Variants in CILP2 observed in about 807,000 individuals in gnomAD.
The protein encoded by CILP2 is CILP-2.
In CILP2, 38 loss-of-function variants were observed where a neutral mutation model predicts 45.6. That is an observed-to-expected ratio of 0.83 (90% CI 0.64 to 1.09). The LOEUF (loss-of-function observed/expected upper bound fraction) is 1.09. Ranked by LOEUF, CILP2 falls within the 50% of genes least tolerant of loss-of-function variation. CILP2 has a pLI of 0.00. For missense variants in CILP2, 1,735 were observed against 1,662.2 expected (o/e 1.04, Z -0.76); for synonymous variants, 780 against 723.5 (o/e 1.08, Z -1.25).
At position 19,544,642 on chromosome 19, in the gene CILP2, C is replaced by T; in HGVS notation, c.2097C>T (p.Arg699=). ...GLWEEESGFR[R]EGSSGPRVRR... is the part of the protein sequence containing the mutation. ...GGGAGGAGGAGAGCGGCTTCCGGCG[C>T]GAGGGGTCCTCGGGCCCCCGGGTGC... Residue 699 remains arginine, a synonymous_variant, in exon 8 of 8, where the codon CGC becomes CGT. Coordinates refer to ENST00000291495, the MANE Select transcript of CILP2 (RefSeq NM_153221.2). 1 of 1,550,692 alleles carries T rather than the reference C, an allele frequency of 6.4e-7. No individual in the cohort carries two copies. Among genetic ancestry groups the T allele is most frequent in the South Asian group, 1.2e-5 (1 of 83,268 alleles).
At chr19:19,539,812 G>A in intron 2 of CILP2, 35 bp downstream of exon 2, 1 of 1,521,372 alleles carries the variant, frequency 6.6e-7, no homozygotes, top group African/African-American at 1.4e-5. Context: ...CGTCTCTGCT[G>A]CGGGCTTGTT....
At position 19,545,238 on chromosome 19, in the gene CILP2, G is replaced by T. The variant is rs373437234; in HGVS notation, c.2693G>T (p.Arg898Leu). 2.9e-5 allele frequency: 46 copies of T among 1,612,218 alleles called. No homozygotes were observed. Among genetic ancestry groups the T allele is most frequent in the Non-Finnish European group, 3.6e-5 (42 of 1,179,500 alleles). The change falls in exon 8 of 8, where the codon CGC becomes CTC. Residue 898 changes from arginine to leucine, a missense_variant. Coordinates refer to ENST00000291495, the MANE Select transcript of CILP2 (RefSeq NM_153221.2). ...GCCCCGGTGACTGCCAGCCACTTCC[G>T]CTTCGCCAGGGTGGAGGCGGACAAG... ...QGAPVTASHF[R>L]FARVEADKYE...
chr19:19,544,914 G>A lies in CILP2; in HGVS notation c.2369G>A (p.Gly790Asp). Residue 790 changes from glycine (G) to aspartate (D), a missense_variant, in exon 8 of 8, where the codon GGC becomes GAC. Coordinates refer to ENST00000291495, the MANE Select transcript of CILP2 (RefSeq NM_153221.2). The part of the protein sequence containing the change: ...RFDSAVTGPN[G>D]ACLPAFCDAD... ...GACAGCGCGGTCACCGGCCCCAATG[G>A]CGCCTGCCTCCCCGCCTTCTGCGAC... 1 of 1,589,988 alleles carries A rather than the reference G, an allele frequency of 6.3e-7. No homozygotes were observed. Among genetic ancestry groups the A allele is most frequent in the South Asian group, 1.1e-5 (1 of 90,062 alleles).
rs769445190 is a variant in CILP2, at chr19:19,545,117, G to A, written c.2572G>A (p.Gly858Ser). The change falls in exon 8 of 8, where the codon GGC (glycine) becomes AGC (serine). Residue 858 changes from glycine to serine, a missense_variant. Coordinates refer to ENST00000291495, the MANE Select transcript of CILP2 (RefSeq NM_153221.2). ...DHDDPAFKRN[G>S]FRINLAKPRP... The stretch of plus-strand genomic sequence containing the variant: ...CGACGATCCCGCCTTCAAGCGTAAC[G>A]GCTTCCGCATCAACCTCGCCAAGCC... 1.2e-6 allele frequency: 2 copies of A among 1,612,070 alleles called. No homozygotes were observed. The highest frequency in any genetic ancestry group is 4.5e-5 in the East Asian group (2 of 44,858).
rs2061241434 is a variant in CILP2, at chr19:19,540,997, G to A, written c.437-94G>A. ...CGCCCTTGGATGCACATATGTGAGG[G>A]GGTTGGGGAAGAAGGGTCCTTTAGT... is the stretch of plus-strand genomic sequence containing the variant. On this transcript the variant is annotated intron_variant, in intron 3 of 7. Coordinates refer to ENST00000291495, the MANE Select transcript of CILP2 (RefSeq NM_153221.2). 5 of 1,120,112 alleles carry A rather than the reference G, an allele frequency of 4.5e-6. No individual in the cohort carries two copies. The East Asian group carries it at 1.3e-4, about 29-fold the overall frequency. The allele number at this position is 1,120,112 out of a possible 1,614,324, so 69.4% of individuals were successfully genotyped here. A position where few individuals can be genotyped will look rare whatever the true frequency, so the allele number is the denominator to read the frequency against.
In CILP2 at chr19:19,546,022, G is replaced by C; in HGVS notation, c.*6G>C. 6.9e-7 allele frequency: 1 copy of C among 1,455,474 alleles called. No individual in the cohort carries two copies. The highest frequency in any genetic ancestry group is 9.0e-7 in the Non-Finnish European group (1 of 1,106,620). 90.2% of individuals were successfully genotyped at this position (1,455,474 alleles called of 1,614,324 possible). A position where few individuals can be genotyped will look rare whatever the true frequency, so the allele number is the denominator to read the frequency against. On this transcript the variant is annotated 3_prime_UTR_variant, in exon 8 of 8. Coordinates refer to ENST00000291495, the MANE Select transcript of CILP2 (RefSeq NM_153221.2). ...GGGGTAGGGTCCGGCAGTGACCTGG[G>C]CAGGGGCCTCGCTTTCCCACCTCCC...
Position 19,544,057 on chromosome 19 carries a change from C to T in CILP2, c.1512C>T (p.Ala504=). 1 of 1,613,998 alleles carries T rather than the reference C, an allele frequency of 6.2e-7. No homozygotes were observed. The highest frequency in any genetic ancestry group is 8.5e-7 in the Non-Finnish European group (1 of 1,179,980). Residue 504 remains alanine (A), a synonymous_variant, in exon 8 of 8, where the codon GCC becomes GCT. Transcript: ENST00000291495. ...LLGQEPIGFT[A]YQGDFTIEVP... is the part of the protein sequence containing the mutation. ...GCCAGGAGCCCATCGGCTTCACCGC[C>T]TACCAGGGCGACTTTACCATTGAGG...
Position 19,544,960 on chromosome 19 carries a change from C to T in CILP2, c.2415C>T (p.Tyr805=), listed in dbSNP as rs1375065991. 1 of 1,597,066 alleles carries T rather than the reference C, an allele frequency of 6.3e-7. No homozygotes were observed. Among genetic ancestry groups the T allele is most frequent in the Admixed American group, 1.7e-5 (1 of 59,644 alleles). The change falls in exon 8 of 8, where the codon TAC becomes TAT. Residue 805 remains tyrosine (Y), a synonymous_variant. Transcript: ENST00000291495. The part of the protein sequence containing the change: ...AFCDADRPDA[Y]TALVTATLGG... ...GCGACGCCGACAGGCCAGACGCCTACACCGCCCTGGTCACCGCCACCCTGG... is the reference window on the plus strand; with the variant it reads ...GCGACGCCGACAGGCCAGACGCCTATACCGCCCTGGTCACCGCCACCCTGG...
In CILP2 at chr19:19,545,193, G is replaced by T. The variant is rs1323138939; in HGVS notation, c.2648G>T (p.Ser883Ile). The T allele has an allele frequency of 6.2e-7, 1 of 1,612,670 alleles. No individual in the cohort carries two copies. Among genetic ancestry groups the T allele is most frequent in the Non-Finnish European group, 8.5e-7 (1 of 1,179,816 alleles). ...AATGGGCCTGTGTACCCGTGGCGCA[G>T]CCTGCGGGAATGCCAGGGGGCCCCG... Reference protein sequence around the residue: ...EANGPVYPWRSLRECQGAPVT... With the variant: ...EANGPVYPWRILRECQGAPVT... Residue 883 changes from serine (S) to isoleucine (I), a missense_variant, in exon 8 of 8, where the codon AGC becomes ATC. By Grantham distance (142) the Ser-to-Ile change is moderately radical. Transcript: ENST00000291495.
At chr19:19,543,116 G>A in intron 6 of CILP2, 132 bp from the exon 7 acceptor site, 2 of 1,067,040 alleles carry the variant, frequency 1.9e-6, no homozygotes, top group South Asian at 2.9e-5. Context: ...TACCAAGGAG[G>A]CTGAATGGGG....
At chr19:19,539,497 G>A (rs2061235111) in intron 1 of CILP2, among the ~76,000 whole-genome samples, 182 bp from the exon 2 acceptor site, 1 of 150,444 alleles carries the variant, frequency 6.6e-6, no homozygotes, top group South Asian at 2.1e-4. Flanking sequence ...CCAGGAGGCA[G>A]AGGCTGCAGT....
At position 19,545,317 on chromosome 19, in the gene CILP2, C is replaced by T. The variant is rs779833693; in HGVS notation, c.2772C>T (p.Gly924=). Residue 924 remains glycine, a synonymous_variant, in exon 8 of 8, where the codon GGC becomes GGT. Transcript: ENST00000291495. ...FREGTPASWT[G]DLLAWWPNPQ... Reference sequence around the variant, plus strand: ...AGGGCACACCTGCCTCCTGGACTGGCGATCTCCTGGCCTGGTGGCCCAACC... The same window carrying T: ...AGGGCACACCTGCCTCCTGGACTGGTGATCTCCTGGCCTGGTGGCCCAACC... The T allele has an allele frequency of 4.3e-6, 7 of 1,612,570 alleles. No homozygotes were observed. The highest frequency in any genetic ancestry group is 5.1e-6 in the Non-Finnish European group (6 of 1,179,780).
At chr19:19,541,373 T>A (rs746202459) in intron 4 of CILP2, 127 bp downstream of exon 4, 4 of 863,824 alleles carry the variant, frequency 4.6e-6, no homozygotes, top group Non-Finnish European at 6.1e-6. Context: ...GTGCTTCTCC[T>A]GAGCGATGCC....
rs572861829 is a variant in CILP2, at chr19:19,545,242, C to T, written c.2697C>T (p.Phe899=). Reference sequence around the variant, plus strand: ...CGGTGACTGCCAGCCACTTCCGCTTCGCCAGGGTGGAGGCGGACAAGTACG... The same window carrying T: ...CGGTGACTGCCAGCCACTTCCGCTTTGCCAGGGTGGAGGCGGACAAGTACG... ...GAPVTASHFR[F]ARVEADKYEY... is the part of the protein sequence containing the mutation. Residue 899 remains phenylalanine (F), a synonymous_variant, in exon 8 of 8, where the codon TTC becomes TTT. Transcript: ENST00000291495. 57 of 1,612,362 alleles carry T rather than the reference C, an allele frequency of 3.5e-5. 2 individuals carry two copies. In the South Asian group the frequency reaches 4.9e-4, roughly 14 times the overall value.
Position 19,543,379 on chromosome 19 carries a change from C to T in CILP2, c.1109C>T (p.Ser370Leu), listed in dbSNP as rs768793354. ...KAWNEAGAVR[S>L]GTARLTVLAP... Reference sequence around the variant, plus strand: ...TGGAATGAGGCGGGTGCCGTGCGCTCGGGCACTGCCCGGCTCACTGTACTT... The same window carrying T: ...TGGAATGAGGCGGGTGCCGTGCGCTTGGGCACTGCCCGGCTCACTGTACTT... Residue 370 changes from serine (S) to leucine (L), a missense_variant, in exon 7 of 8, where the codon TCG becomes TTG. Coordinates refer to ENST00000291495, the MANE Select transcript of CILP2 (RefSeq NM_153221.2). 2.6e-5 allele frequency: 42 copies of T among 1,613,206 alleles called. No homozygotes were observed. In the South Asian group the frequency reaches 3.8e-4, roughly 15 times the overall value.
Position 19,542,524 on chromosome 19 carries a change from G to A in CILP2, c.742G>A (p.Val248Met). The change falls in exon 5 of 8, where the codon GTG (valine) becomes ATG (methionine). Residue 248 changes from valine (V) to methionine (M), a missense_variant. Transcript: ENST00000291495. ...ATSDAHGTFR[V>M]PGVCADSRAN... ...CAGCGATGCTCACGGAACCTTCCGGGTGCCTGGTGTCTGTGCTGACAGCCG... is the reference window on the plus strand; with the variant it reads ...CAGCGATGCTCACGGAACCTTCCGGATGCCTGGTGTCTGTGCTGACAGCCG... The A allele has an allele frequency of 6.2e-7, 1 of 1,614,000 alleles. No individual in the cohort carries two copies. The highest frequency in any genetic ancestry group is 1.1e-5 in the South Asian group (1 of 91,084).
In CILP2 at chr19:19,545,113, T is replaced by G; in HGVS notation, c.2568T>G (p.Arg856=). 1 of 1,612,084 alleles carries G rather than the reference T, an allele frequency of 6.2e-7. No homozygotes were observed. The highest frequency in any genetic ancestry group is 8.5e-7 in the Non-Finnish European group (1 of 1,179,728). The change falls in exon 8 of 8, where the codon CGT becomes CGG. Residue 856 remains arginine (R), a synonymous_variant. Coordinates refer to ENST00000291495, the MANE Select transcript of CILP2 (RefSeq NM_153221.2). The part of the protein sequence containing the change: ...RTDHDDPAFK[R]NGFRINLAKP... ...ACCACGACGATCCCGCCTTCAAGCG[T>G]AACGGCTTCCGCATCAACCTCGCCA... is the stretch of plus-strand genomic sequence containing the variant.
Position 19,545,391 on chromosome 19 carries a change from A to G in CILP2, c.2846A>G (p.Gln949Arg). The change falls in exon 8 of 8, where the codon CAG becomes CGG. Residue 949 changes from glutamine to arginine, a missense_variant. Gln to Arg is a conservative substitution (Grantham distance 43, BLOSUM62 1). Coordinates refer to ENST00000291495, the MANE Select transcript of CILP2 (RefSeq NM_153221.2). The stretch of plus-strand genomic sequence containing the variant: ...CTCAAGGTGAAGATCCAGGGTCCCC[A>G]GGAGTATATGGTCCGCTCCCACAAC... Reference protein sequence around the residue: ...CFLKVKIQGPQEYMVRSHNAG... With the variant: ...CFLKVKIQGPREYMVRSHNAG... The G allele has an allele frequency of 6.2e-7, 1 of 1,612,682 alleles. No homozygotes were observed.
In CILP2 at chr19:19,540,444, C is replaced by G; in HGVS notation, c.404C>G (p.Ser135Cys). Residue 135 changes from serine to cysteine, a missense_variant, in exon 3 of 8, where the codon TCC (serine) becomes TGC (cysteine). Transcript: ENST00000291495. ...NREQPRGRRC[S>C]NYHVRFRCPL... The stretch of plus-strand genomic sequence containing the variant: ...GAGCAACCGCGTGGCCGCCGCTGCT[C>G]CAACTACCACGTGCGCTTCCGCTGC... 6.8e-7 allele frequency: 1 copy of G among 1,461,710 alleles called. No individual in the cohort carries two copies. 90.5% of individuals were successfully genotyped at this position (1,461,710 alleles called of 1,614,324 possible).
Sources: gnomAD v4.1 joint callset for allele counts (sites outside exome capture counted in the v4.1 genomes callset) on GRCh38, gnomAD v4.1.1 for gene constraint, MANE v1.5 for transcripts, NCBI Gene and HGNC (gene_info 2026-07-23, HGNC 2026-07-21) for gene names.